TRAPPC11: variants seen among roughly 807,000 people sequenced by gnomAD.
The protein encoded by TRAPPC11 is trafficking protein particle complex subunit 11.
TRAPPC11 carries 104 observed loss-of-function variants against 151.2 expected under a neutral mutation model. The ratio of observed to expected loss-of-function variants is 0.69; its 90% confidence interval spans 0.59 to 0.81. The LOEUF (loss-of-function observed/expected upper bound fraction) is 0.81, where lower values mean the gene tolerates loss of function less well. Among genes scored for constraint, TRAPPC11 ranks in the 30% least tolerant of loss-of-function variants. The probability of loss-of-function intolerance (pLI) is 0.00; values close to 1 mark genes in which losing one functional copy is unlikely to be tolerated. For synonymous variants in TRAPPC11, 456 were observed against 472.3 expected, an observed-to-expected ratio of 0.97 and a Z score of 0.45; for missense variants, 1,230 against 1,349.6, an observed-to-expected ratio of 0.91 and a Z score of 1.39.
Position 183,685,199 on chromosome 4 carries a change from T to C in TRAPPC11, c.1629+54T>C, listed in dbSNP as rs942279255. ...GTTATTAGGAATATGTGTACTTATA[T>C]CTATATCAACTAATCCAAGTAGTGG... On this transcript the variant is annotated intron_variant, in intron 16 of 29. Transcript: ENST00000334690. 264 of 1,609,930 alleles carry C rather than the reference T, an allele frequency of 1.6e-4. 1 individual carries two copies. The highest frequency in any genetic ancestry group is 3.3e-4 in the Middle Eastern group (2 of 6,078).
chr4:183,668,200 A>T (rs1734977371), intron 5 of TRAPPC11, 83 bp downstream of exon 5: 2 of 744,156 alleles, frequency 2.7e-6, no homozygotes, highest in Non-Finnish European at 4.4e-6. Context: ...TTATTTTTTT[A>T]AAAAATCATG....
chr4:183,663,382 C>T (rs1026798153), intron 1 of TRAPPC11, among the ~76,000 whole-genome samples: 13 of 152,184 alleles, frequency 8.5e-5, no homozygotes, highest in Middle Eastern at 6.8e-3. Flanking sequence ...TACAGGCGCC[C>T]ACCACCACGC....
intron 23 of TRAPPC11, among the ~76,000 whole-genome samples, chr4:183,695,936 AT>A (rs1232259108): frequency 6.6e-6 from 1 of 152,074 alleles, no homozygotes; most frequent in East Asian, 1.9e-4. Context: ...ATCTCATTTG[AT>A]TTTTCTAACA....
At position 183,673,260 on chromosome 4, in the gene TRAPPC11, A is replaced by G. The variant is rs559637435; in HGVS notation, c.561-1453A>G. ...AGCGTGAGCACTGTGCCCGGCCCCC[A>G]TTTGCAAAATTTAAAGGATAGCTTA... On this transcript the variant is annotated intron_variant, in intron 5 of 29. Coordinates refer to ENST00000334690, the MANE Select transcript of TRAPPC11 (RefSeq NM_021942.6). 3.3e-5 allele frequency among the ~76,000 whole-genome samples: 5 copies of G among 152,080 alleles called. No homozygotes were observed. In the East Asian group the frequency reaches 7.7e-4, roughly 24 times the overall value.
intron 1 of TRAPPC11, among the ~76,000 whole-genome samples, chr4:183,662,583 A>G (rs1299949530): frequency 6.6e-6 from 1 of 152,056 alleles, no homozygotes; most frequent in Non-Finnish European, 1.5e-5. Flanking sequence ...ATTTTTCTTT[A>G]AAGAGTAAAT....
At chr4:183,664,303 C>A (rs1734730193) in intron 2 of TRAPPC11, among the ~76,000 whole-genome samples, 1 of 152,020 alleles carries the variant, frequency 6.6e-6, no homozygotes, top group Non-Finnish European at 1.5e-5. Context: ...CCTATGAGCC[C>A]AGGTTTTCCC....
intron 10 of TRAPPC11, 43 bp from the exon 11 acceptor site, chr4:183,682,689 G>T: frequency 7.3e-7 from 1 of 1,370,474 alleles, no homozygotes; most frequent in South Asian, 1.4e-5. Flanking sequence ...GATTTGCGAT[G>T]AGTTCCATAA....
At chr4:183,697,591 A>G in intron 24 of TRAPPC11, 23 bp downstream of exon 24, 1 of 1,604,238 alleles carries the variant, frequency 6.2e-7, no homozygotes, top group Non-Finnish European at 8.5e-7. Context: ...GAGGCATACT[A>G]GAAATCATTT....
chr4:183,706,325 C>T (rs1737064621), intron 27 of TRAPPC11, among the ~76,000 whole-genome samples: 1 of 152,110 alleles, frequency 6.6e-6, no homozygotes, highest in African/African-American at 2.4e-5. Flanking sequence ...AGATCGAGAC[C>T]ATCCTGGCTA....
At chr4:183,683,585 C>T (rs2111360354) in intron 11 of TRAPPC11, among the ~76,000 whole-genome samples, 1 of 151,910 alleles carries the variant, frequency 6.6e-6, no homozygotes, top group African/African-American at 2.4e-5. Flanking sequence ...TCGCTTGAGC[C>T]TAGGAGGTTG....
chr4:183,702,477 G>A (rs1212023866), intron 26 of TRAPPC11, among the ~76,000 whole-genome samples: 3 of 152,050 alleles, frequency 2.0e-5, no homozygotes, highest in African/African-American at 7.2e-5. Context: ...ATATTTCAGT[G>A]AAATGAATGA....
At chr4:183,672,026 A>G (rs1280887390) in intron 5 of TRAPPC11, among the ~76,000 whole-genome samples, 1 of 152,334 alleles carries the variant, frequency 6.6e-6, no homozygotes, top group East Asian at 1.9e-4. Context: ...TGTCTAGCTC[A>G]AAACAAGTTG....
chr4:183,686,873 A>G, intron 18 of TRAPPC11, 125 bp downstream of exon 18: 1 of 1,184,502 alleles, frequency 8.4e-7, no homozygotes. Flanking sequence ...AACTTTGGTA[A>G]GGTCTATTCA....
intron 17 of TRAPPC11, 120 bp downstream of exon 17, chr4:183,685,523 T>C (rs1200352349): frequency 3.4e-6 from 4 of 1,186,092 alleles, no homozygotes; most frequent in Non-Finnish European, 4.7e-6. Flanking sequence ...AATCATGTTA[T>C]AGATAAACTG....
intron 4 of TRAPPC11, 93 bp downstream of exon 4, chr4:183,667,223 G>A: frequency 4.1e-6 from 4 of 967,754 alleles, no homozygotes; most frequent in Non-Finnish European, 4.8e-6. Context: ...AATCTTTTAT[G>A]CATTCAGTTA....
chr4:183,699,619 G>C (rs1736704044), intron 25 of TRAPPC11, among the ~76,000 whole-genome samples: 1 of 152,178 alleles, frequency 6.6e-6, no homozygotes, highest in Non-Finnish European at 1.5e-5. Context: ...AAATGACACA[G>C]ATTCAACTGT....
chr4:183,682,809 G>A lies in TRAPPC11; in HGVS notation c.1191G>A (p.Trp397Ter). 1 of 1,612,632 alleles carries A rather than the reference G, an allele frequency of 6.2e-7. No homozygotes were observed. Among genetic ancestry groups the A allele is most frequent in the Admixed American group, 1.7e-5 (1 of 59,980 alleles). ...TTGACTTTTATGGACAAAGATCATG[G>A]CGACAAGGAATACTAAGTAAATAAT... is the stretch of plus-strand genomic sequence containing the variant. ...GVLDFYGQRS[W>*]RQGILSFDLS... The change falls in exon 11 of 30, where the codon TGG becomes TGA. Residue 397 changes from tryptophan to a stop codon, truncating the protein, a stop_gained. Transcript: ENST00000334690. LOFTEE classifies it high-confidence loss of function.
chr4:183,679,308 C>T, intron 8 of TRAPPC11, 45 bp from the exon 9 acceptor site: 2 of 1,506,200 alleles, frequency 1.3e-6, no homozygotes, highest in Non-Finnish European at 1.8e-6. Flanking sequence ...TGTCTTTTGA[C>T]TTTCTTTTTT....
chr4:183,693,480 A>G (rs897702027), intron 20 of TRAPPC11, 109 bp from the exon 21 acceptor site: 15 of 1,221,228 alleles, frequency 1.2e-5, no homozygotes, highest in African/African-American at 1.5e-5. Context: ...TGCTGGGATT[A>G]CAGGCCTGAG....
Sources: gnomAD v4.1 joint callset for allele counts (sites outside exome capture counted in the v4.1 genomes callset) on GRCh38, gnomAD v4.1.1 for gene constraint, MANE v1.5 for transcripts, NCBI Gene and HGNC (gene_info 2026-07-23, HGNC 2026-07-21) for gene names.